The following BICC1 variants were observed in gnomAD, a reference collection of about 807,000 sequenced individuals.
BICC1 encodes the protein BicC family RNA binding protein 1, also known as protein bicaudal C homolog 1.
A neutral mutation model predicts 111.0 loss-of-function variants in BICC1; 43 were observed. The observed-to-expected ratio is 0.39, with a 90% CI of 0.30 to 0.50. The LOEUF is 0.50. BICC1 is among the 20% of genes least tolerant of loss of function. BICC1 has a pLI of 0.88. For missense variants in BICC1, 1,091 were observed against 1,203.2 expected (o/e 0.91, Z 1.38); for synonymous variants, 467 against 434.4 (o/e 1.07, Z -0.93).
chr10:58,639,174 TTCC>T (rs1367601105), intron 2 of BICC1, among the ~76,000 whole-genome samples: 5 of 152,158 alleles, frequency 3.3e-5, no homozygotes, highest in African/African-American at 1.2e-4. Context: ...CTCTGAATTA[TTCC>T]TCCTAACTGA....
At chr10:58,634,123 C>A (rs111416690) in intron 2 of BICC1, among the ~76,000 whole-genome samples, 1,620 of 151,558 alleles carry the variant, frequency 0.011, 32 homozygotes, top group African/African-American at 0.037. Context: ...TCCTGAGTAG[C>A]TGGGATTACA....
chr10:58,779,580 G>A (rs1265798242), intron 3 of BICC1, among the ~76,000 whole-genome samples: 1 of 152,138 alleles, frequency 6.6e-6, no homozygotes, highest in Admixed American at 6.5e-5. Context: ...AAAGAAATTT[G>A]CATTTATACA....
chr10:58,557,344 C>CTT (rs35079883), intron 1 of BICC1, among the ~76,000 whole-genome samples: 51 of 143,986 alleles, frequency 3.5e-4, no homozygotes, highest in South Asian at 1.3e-3. Flanking sequence ...ATGACAGCGT[C>CTT]TTTTTTTTTT....
At chr10:58,514,603 T>C (rs964045757) in intron 1 of BICC1, among the ~76,000 whole-genome samples, 9 of 152,212 alleles carry the variant, frequency 5.9e-5, no homozygotes, top group Non-Finnish European at 1.0e-4. Flanking sequence ...CTACAGGCTT[T>C]CCTCCCTTGT....
intron 1 of BICC1, among the ~76,000 whole-genome samples, chr10:58,553,125 A>T (rs1337284351): frequency 6.6e-6 from 1 of 152,074 alleles, no homozygotes; most frequent in East Asian, 1.9e-4. Flanking sequence ...TGTATGACAG[A>T]TGTAGTGGTG....
At chr10:58,738,105 T>A (rs534863925) in intron 3 of BICC1, among the ~76,000 whole-genome samples, 1 of 152,254 alleles carries the variant, frequency 6.6e-6, no homozygotes, top group Non-Finnish European at 1.5e-5. Flanking sequence ...AGATCCCATT[T>A]GTCAATTTTG....
chr10:58,769,362 T>C (rs1385422708), intron 3 of BICC1, among the ~76,000 whole-genome samples: 2 of 138,752 alleles, frequency 1.4e-5, no homozygotes, highest in Non-Finnish European at 3.2e-5. Flanking sequence ...ATTGTGGTAA[T>C]AGTTTTATAA....
At chr10:58,670,202 G>A (rs1839140317) in intron 2 of BICC1, among the ~76,000 whole-genome samples, 1 of 151,818 alleles carries the variant, frequency 6.6e-6, no homozygotes, top group Non-Finnish European at 1.5e-5. Context: ...ATTTTTTGAT[G>A]CATTTCAAAC....
At chr10:58,789,656 A>C (rs1411151530) in intron 7 of BICC1, 26 bp from the exon 8 acceptor site, 2 of 1,613,072 alleles carry the variant, frequency 1.2e-6, no homozygotes, top group African/African-American at 1.3e-5. Flanking sequence ...GTATAGGATT[A>C]TTTCTTTCCC....
At chr10:58,662,467 A>G (rs763380074) in intron 2 of BICC1, among the ~76,000 whole-genome samples, 1 of 152,250 alleles carries the variant, frequency 6.6e-6, no homozygotes, top group Non-Finnish European at 1.5e-5. Context: ...ATGTGAAACC[A>G]GAAGTCAGCT....
chr10:58,580,249 C>G (rs1286473091), intron 1 of BICC1, among the ~76,000 whole-genome samples: 1 of 152,138 alleles, frequency 6.6e-6, no homozygotes, highest in Non-Finnish European at 1.5e-5. Flanking sequence ...GTCTCGAACT[C>G]CTGTCCTCAA....
intron 1 of BICC1, among the ~76,000 whole-genome samples, chr10:58,609,871 T>C (rs777323322): frequency 2.0e-4 from 30 of 152,186 alleles, no homozygotes; most frequent in Non-Finnish European, 2.9e-5. Context: ...TAAAAAAACA[T>C]TGAAATTATG....
At position 58,620,798 on chromosome 10, in the gene BICC1, G is replaced by GT. The variant is rs1845777458; in HGVS notation, c.191-51dup. ...GCATTCTCATATCTGATGCTCGAAA[G>GT]TTTTTTGAATGCATACATTGAAAAA... On this transcript the variant is annotated intron_variant, in intron 1 of 20. Transcript: ENST00000373886. The GT allele has an allele frequency of 8.4e-6, 13 of 1,553,116 alleles. 1 individual carries two copies. The South Asian group carries it at 1.0e-4, about 12-fold the overall frequency.
At chr10:58,662,444 T>G (rs1049721350) in intron 2 of BICC1, among the ~76,000 whole-genome samples, 2 of 152,206 alleles carry the variant, frequency 1.3e-5, no homozygotes, top group Non-Finnish European at 2.9e-5. Flanking sequence ...GTTCTTTAGT[T>G]CTTGCATTAG....
chr10:58,726,245 C>T (rs1174575236), intron 3 of BICC1, among the ~76,000 whole-genome samples: 1 of 152,084 alleles, frequency 6.6e-6, no homozygotes, highest in Admixed American at 6.5e-5. Context: ...AATCATTTAA[C>T]CAGTTTTAAT....
intron 1 of BICC1, among the ~76,000 whole-genome samples, chr10:58,516,268 A>G (rs1382943192): frequency 6.6e-6 from 1 of 152,204 alleles, no homozygotes; most frequent in Non-Finnish European, 1.5e-5. Context: ...TTGTTTCCAG[A>G]GAGACTGTCC....
chr10:58,792,447 C>T (rs932119892), intron 8 of BICC1, among the ~76,000 whole-genome samples: 3 of 152,146 alleles, frequency 2.0e-5, no homozygotes, highest in Non-Finnish European at 4.4e-5. Flanking sequence ...GGTCAGTGGT[C>T]TGTTAGGAAC....
intron 2 of BICC1, among the ~76,000 whole-genome samples, chr10:58,623,260 A>G: frequency 6.6e-6 from 1 of 152,210 alleles, no homozygotes; most frequent in Non-Finnish European, 1.5e-5. Context: ...AAAATCTTCC[A>G]AAATAAGAAT....
At chr10:58,525,608 T>C (rs958174655) in intron 1 of BICC1, among the ~76,000 whole-genome samples, 1 of 148,958 alleles carries the variant, frequency 6.7e-6, no homozygotes, top group African/African-American at 2.4e-5. Flanking sequence ...ATATACCTAA[T>C]GTTAAATAAT....
Sources: gnomAD v4.1 joint callset for allele counts (sites outside exome capture counted in the v4.1 genomes callset) on GRCh38, gnomAD v4.1.1 for gene constraint, MANE v1.5 for transcripts, NCBI Gene and HGNC (gene_info 2026-07-23, HGNC 2026-07-21) for gene names.